Variants in RPGRIP1L observed in about 807,000 individuals in gnomAD.
RPGRIP1L encodes the protein protein fantom.
A neutral mutation model predicts 160.4 loss-of-function variants in RPGRIP1L; 131 were observed. That is an observed-to-expected ratio of 0.82 (90% CI 0.71 to 0.94). The LOEUF (loss-of-function observed/expected upper bound fraction) is 0.94. RPGRIP1L is among the 40% of genes least tolerant of loss of function. The pLI is 0.00. For missense variants in RPGRIP1L, 1,522 were observed against 1,535.8 expected (o/e 0.99, Z 0.15); for synonymous variants, 510 against 515.8 (o/e 0.99, Z 0.15).
chr16:53,614,587 G>A (rs1964242484), intron 24 of RPGRIP1L, among the ~76,000 whole-genome samples: 1 of 152,098 alleles, frequency 6.6e-6, no homozygotes, highest in East Asian at 1.9e-4. Context: ...GTGGGAAACA[G>A]GAACACTTTG....
chr16:53,603,900 C>A (rs1335320970), intron 26 of RPGRIP1L, among the ~76,000 whole-genome samples: 1 of 152,134 alleles, frequency 6.6e-6, no homozygotes, highest in Non-Finnish European at 1.5e-5. Context: ...CCCAACCTCA[C>A]TTATACCTAA....
chr16:53,653,926 C>T (rs1967025253), intron 14 of RPGRIP1L, among the ~76,000 whole-genome samples: 1 of 152,082 alleles, frequency 6.6e-6, no homozygotes, highest in African/African-American at 2.4e-5. Flanking sequence ...CTAGATATCC[C>T]ACACAACATA....
At position 53,671,539 on chromosome 16, in the gene RPGRIP1L, T is replaced by C; in HGVS notation, c.1074A>G (p.Leu358=). 1.3e-6 allele frequency: 2 copies of C among 1,579,812 alleles called. No individual in the cohort carries two copies. The highest frequency in any genetic ancestry group is 1.1e-5 in the South Asian group (1 of 89,960). The change falls in exon 9 of 27, where the codon TTA becomes TTG. Residue 358 remains leucine, a synonymous_variant. Coordinates refer to ENST00000647211, the MANE Select transcript of RPGRIP1L (RefSeq NM_015272.5). ...CATAAAGTTTATCATAGTTTTCCTTTAAAAGTTCCCGTTCCTTTTCTAAAT... is the reference window on the plus strand; with the variant it reads ...CATAAAGTTTATCATAGTTTTCCTTCAAAAGTTCCCGTTCCTTTTCTAAAT... ...INDLEKEREL[L]KENYDKLYDS...
At chr16:53,658,953 T>C in intron 10 of RPGRIP1L, 75 bp from the exon 11 acceptor site, 5 of 975,552 alleles carry the variant, frequency 5.1e-6, no homozygotes, top group Non-Finnish European at 8.0e-6. Context: ...ATTACTTTAA[T>C]TCCTGTTCCA....
At chr16:53,634,559 A>G (rs1965714311) in intron 22 of RPGRIP1L, among the ~76,000 whole-genome samples, 1 of 152,176 alleles carries the variant, frequency 6.6e-6, no homozygotes, top group Non-Finnish European at 1.5e-5. Flanking sequence ...TGTTTGGGTC[A>G]TGGGAGCAAA....
In RPGRIP1L at chr16:53,658,432, T is replaced by G. The variant is rs1218959399; in HGVS notation, c.1383A>C (p.Glu461Asp). The change falls in exon 12 of 27, where the codon GAA (glutamate) becomes GAC (aspartate). Residue 461 changes from glutamate to aspartate, a missense_variant. Physicochemically the swap from Glu to Asp is conservative, Grantham distance 45 (BLOSUM62 2). Transcript: ENST00000647211. ...ACCTTACCTTTATAAGTAGGAGAGC[T>G]TCACTCAATTCATCAGCATTAATAT... ...ENDINADELSEALLLIKAQKE... is the reference protein window; with the variant it reads ...ENDINADELSDALLLIKAQKE... The G allele has an allele frequency of 6.2e-7, 1 of 1,611,510 alleles. No homozygotes were observed. The highest frequency in any genetic ancestry group is 8.5e-7 in the Non-Finnish European group (1 of 1,177,804).
intron 6 of RPGRIP1L, among the ~76,000 whole-genome samples, chr16:53,679,092 T>C (rs1292178956): frequency 6.6e-6 from 1 of 152,218 alleles, no homozygotes; most frequent in South Asian, 2.1e-4. Context: ...TGATTTAAGA[T>C]TGCTCAAAGG....
chr16:53,640,990 A>C (rs755758007), intron 19 of RPGRIP1L, 43 bp downstream of exon 19: 27 of 1,358,028 alleles, frequency 2.0e-5, no homozygotes, highest in Non-Finnish European at 2.7e-5. Flanking sequence ...TATTTCAAAT[A>C]TTTGTTATGA....
chr16:53,688,754 T>C (rs1970185980), intron 4 of RPGRIP1L, among the ~76,000 whole-genome samples: 1 of 152,050 alleles, frequency 6.6e-6, no homozygotes, highest in South Asian at 2.1e-4. Flanking sequence ...TTGCTCTGCA[T>C]ATTCTCAGTA....
At chr16:53,703,745 G>C in intron 1 of RPGRIP1L, 58 bp downstream of exon 1, 1 of 301,326 alleles carries the variant, frequency 3.3e-6, no homozygotes. Flanking sequence ...GCGCTGCAGT[G>C]GGGAGGGTCA....
intron 22 of RPGRIP1L, chr16:53,635,393 T>A (rs1301941755): frequency 1.3e-5 from 2 of 152,152 alleles, no homozygotes; most frequent in East Asian, 3.9e-4. Context: ...ACAGAAACGA[T>A]GGGTATCTCT....
At chr16:53,613,872 C>G (rs1024838467) in intron 24 of RPGRIP1L, among the ~76,000 whole-genome samples, 1 of 152,070 alleles carries the variant, frequency 6.6e-6, no homozygotes, top group African/African-American at 2.4e-5. Flanking sequence ...TTAAATAGAT[C>G]CAGAGAAGGT....
chr16:53,669,135 T>C (rs1260901986), intron 9 of RPGRIP1L, among the ~76,000 whole-genome samples: 3 of 152,182 alleles, frequency 2.0e-5, no homozygotes, highest in African/African-American at 7.2e-5. Flanking sequence ...CAATAACGAA[T>C]AACAGTGTCA....
chr16:53,629,168 C>A (rs1965355905), intron 22 of RPGRIP1L, among the ~76,000 whole-genome samples: 1 of 152,092 alleles, frequency 6.6e-6, no homozygotes, highest in South Asian at 2.1e-4. Flanking sequence ...ATTTTGGCTG[C>A]ACATTAGAAT....
At chr16:53,611,611 T>G (rs748099847) in intron 24 of RPGRIP1L, among the ~76,000 whole-genome samples, 1 of 152,124 alleles carries the variant, frequency 6.6e-6, no homozygotes, top group Non-Finnish European at 1.5e-5. Flanking sequence ...GGTGTGAGGT[T>G]TTTGGTTTTA....
chr16:53,668,583 C>T (rs1438046783), intron 9 of RPGRIP1L, among the ~76,000 whole-genome samples: 1 of 152,100 alleles, frequency 6.6e-6, no homozygotes, highest in Non-Finnish European at 1.5e-5. Flanking sequence ...GTGAAATCTA[C>T]ATTTTAATAA....
intron 19 of RPGRIP1L, among the ~76,000 whole-genome samples, chr16:53,639,671 C>T (rs1356782656): frequency 6.6e-6 from 1 of 152,110 alleles, no homozygotes; most frequent in Non-Finnish European, 1.5e-5. Flanking sequence ...GAACAAGTTA[C>T]TTAACCTCTC....
At chr16:53,649,457 C>T (rs1286664673) in intron 15 of RPGRIP1L, among the ~76,000 whole-genome samples, 2 of 152,068 alleles carry the variant, frequency 1.3e-5, no homozygotes, top group Non-Finnish European at 2.9e-5. Context: ...TAGTATAATA[C>T]TTTTTTTAAA....
intron 5 of RPGRIP1L, among the ~76,000 whole-genome samples, chr16:53,687,484 C>A (rs760258291): frequency 2.5e-4 from 38 of 152,152 alleles, no homozygotes; most frequent in Non-Finnish European, 4.1e-4. Context: ...CTCCCCAATT[C>A]TTTATTTATT....
Sources: gnomAD v4.1 joint callset for allele counts (sites outside exome capture counted in the v4.1 genomes callset) on GRCh38, gnomAD v4.1.1 for gene constraint, MANE v1.5 for transcripts, NCBI Gene and HGNC (gene_info 2026-07-23, HGNC 2026-07-21) for gene names.